PTPRF: variants seen among roughly 807,000 people sequenced by gnomAD.
PTPRF encodes the protein protein tyrosine phosphatase receptor type F.
PTPRF carries 59 observed loss-of-function variants against 201.8 expected under a neutral mutation model. The ratio of observed to expected loss-of-function variants is 0.29; its 90% CI spans 0.24 to 0.36. The LOEUF is 0.36. PTPRF is among the 10% of genes least tolerant of loss of function. The pLI, the probability that PTPRF is intolerant of heterozygous loss-of-function variation, is 1.00. For synonymous variants in PTPRF, 1,088 were observed against 1,089.7 expected, an observed-to-expected ratio of 1.00 and a Z score of 0.03; for missense variants, 2,132 against 2,690.5, an observed-to-expected ratio of 0.79 and a Z score of 4.59.
Position 43,603,585 on chromosome 1 carries a change from C to T in PTPRF, c.2459-26C>T, listed in dbSNP as rs774525174. On this transcript the variant is annotated intron_variant, in intron 15 of 33. Coordinates refer to ENST00000359947, the MANE Select transcript of PTPRF (RefSeq NM_002840.5). The surrounding 1 kb of genome is among the most constrained non-coding windows in gnomAD (Gnocchi z 5.8). ...AGGGTGGGGCAGCAGGAGGGCAGCG[C>T]CAGAGCCCAGCCCGTGGTCCTTCAG... is the stretch of plus-strand genomic sequence containing the variant. The T allele has an allele frequency of 6.2e-7, 1 of 1,612,590 alleles. No individual in the cohort carries two copies. Among genetic ancestry groups the T allele is most frequent in the South Asian group, 1.1e-5 (1 of 91,062 alleles).
Position 43,553,611 on chromosome 1 carries a change from A to G in PTPRF, c.211A>G (p.Lys71Glu), listed in dbSNP as rs760287504. The change falls in exon 4 of 34, where the codon AAG becomes GAG. Residue 71 changes from lysine to glutamate, a missense_variant. Physicochemically the swap from Lys to Glu is moderately conservative, Grantham distance 56. Coordinates refer to ENST00000359947, the MANE Select transcript of PTPRF (RefSeq NM_002840.5). The surrounding 1 kb of genome is among the most constrained non-coding windows in gnomAD (Gnocchi z 4.1). Reference sequence around the variant, plus strand: ...GCGCATCACATGGATGAAGAAGGGGAAGAAAGTCAGCTCCCAGCGCTTCGA... The same window carrying G: ...GCGCATCACATGGATGAAGAAGGGGGAGAAAGTCAGCTCCCAGCGCTTCGA... ...KPRITWMKKG[K>E]KVSSQRFEVI... is the part of the protein sequence containing the mutation. 1 of 1,614,004 alleles carries G rather than the reference A, an allele frequency of 6.2e-7. No homozygotes were observed. Among genetic ancestry groups the G allele is most frequent in the African/African-American group, 1.3e-5 (1 of 74,904 alleles).
intron 5 of PTPRF, among the ~76,000 whole-genome samples, chr1:43,563,242 G>A (rs61769611): frequency 0.27 from 40,964 of 151,702 alleles, 6,551 homozygotes; most frequent in Non-Finnish European, 0.36. Flanking sequence ...TAGGATTGGG[G>A]AGGTGCAAGG....
intron 6 of PTPRF, among the ~76,000 whole-genome samples, chr1:43,574,226 C>CCTCG (rs1646774614): frequency 6.6e-6 from 1 of 151,722 alleles, no homozygotes; most frequent in Non-Finnish European, 1.5e-5. Context: ...GAACTCCGAA[C>CCTCG]CTCGGGTGAT....
intron 13 of PTPRF, 36 bp downstream of exon 13, chr1:43,598,949 G>A (rs1570499707): frequency 6.3e-7 from 1 of 1,593,308 alleles, no homozygotes; most frequent in East Asian, 2.2e-5. Flanking sequence ...GGCAGGGTGA[G>A]CACAGACCAG....
intron 7 of PTPRF, among the ~76,000 whole-genome samples, chr1:43,586,302 C>T (rs1319988795): frequency 6.6e-6 from 1 of 152,228 alleles, no homozygotes; most frequent in Non-Finnish European, 1.5e-5. Context: ...CACCCCGCTT[C>T]TGTGGCAGGC....
At chr1:43,579,115 T>A in intron 7 of PTPRF, 195 bp downstream of exon 7, 1 of 712,894 alleles carries the variant, frequency 1.4e-6, no homozygotes, top group Non-Finnish European at 2.6e-6. Context: ...CTACTTCGCC[T>A]TCCTTCCTTG....
chr1:43,584,821 A>T (rs939991480), intron 7 of PTPRF, among the ~76,000 whole-genome samples: 1 of 151,950 alleles, frequency 6.6e-6, no homozygotes, highest in Non-Finnish European at 1.5e-5. Context: ...TCCCCTCCTT[A>T]ATGTTGTGTT....
intron 2 of PTPRF, among the ~76,000 whole-genome samples, chr1:43,539,608 T>G (rs752453552): frequency 1.3e-5 from 2 of 152,054 alleles, no homozygotes; most frequent in Admixed American, 1.3e-4. Context: ...AGATGGGCAC[T>G]GGGGTTATGT....
intron 5 of PTPRF, among the ~76,000 whole-genome samples, chr1:43,558,346 AACTGCTGTGGCTCCAGGGCCACTCCCACC>A (rs1361852959): frequency 6.6e-6 from 1 of 152,040 alleles, no homozygotes; most frequent in Non-Finnish European, 1.5e-5. Flanking sequence ...CACCAGGCCC[AACTGCTGTGGCTCCAGGGCCACTCCCACC>A]ACAGCCCGTG....
In PTPRF at chr1:43,530,998, G is replaced by T; in HGVS notation, c.-218G>T. On this transcript the variant is annotated 5_prime_UTR_variant, in exon 1 of 34. Coordinates refer to ENST00000359947, the MANE Select transcript of PTPRF (RefSeq NM_002840.5). The surrounding 1 kb of genome is among the most constrained non-coding windows in gnomAD (Gnocchi z 4.1). ...AGCTCGGGTGGCGGTGGCGGGAGCG[G>T]GACCAGGTGGAGGCGGCGGCGGCAG... 6.4e-6 allele frequency: 1 copy of T among 157,444 alleles called. No individual in the cohort carries two copies. The highest frequency in any genetic ancestry group is 1.4e-5 in the Non-Finnish European group (1 of 71,950). The allele number at this position is 157,444 out of a possible 1,614,324, so 9.8% of individuals were successfully genotyped here.
intron 7 of PTPRF, among the ~76,000 whole-genome samples, chr1:43,586,221 A>G (rs1355535931): frequency 6.6e-6 from 1 of 152,218 alleles, no homozygotes; most frequent in African/African-American, 2.4e-5. Flanking sequence ...GAAGAGGAGG[A>G]GACAGGGCAC....
chr1:43,526,406 G>A (rs1643111188), upstream of PTPRF, among the ~76,000 whole-genome samples: 4 of 151,974 alleles, frequency 2.6e-5, no homozygotes. Context: ...ATCAGCCTGG[G>A]CAACATGATG....
intron 7 of PTPRF, chr1:43,580,163 C>T (rs780787941): frequency 2.6e-5 from 4 of 151,990 alleles, no homozygotes; most frequent in African/African-American, 4.8e-5. Context: ...AAGTGCTTAG[C>T]GCGGCTTCCT....
rs554747109 is a variant in PTPRF, at chr1:43,588,233, A to G, written c.680-498A>G. ...GCCTGGAGGTGGAGGCAGTGACTCC[A>G]CGGCAGGTGGCTGTGTCCCTCTGGA... On this transcript the variant is annotated intron_variant, in intron 7 of 33. Transcript: ENST00000359947. This position sits in a 1 kb window ranked among gnomAD's most constrained non-coding sequence, Gnocchi z 5.3. Among the ~76,000 whole-genome samples the G allele has an allele frequency of 6.6e-5, 10 of 152,146 alleles. No individual in the cohort carries two copies. In the South Asian group the frequency reaches 1.9e-3, roughly 28 times the overall value.
chr1:43,607,191 G>A (rs1310356381), intron 21 of PTPRF, among the ~76,000 whole-genome samples: 2 of 152,200 alleles, frequency 1.3e-5, no homozygotes, highest in Non-Finnish European at 2.9e-5. Context: ...TGGGCGTGAG[G>A]AACTAAAGCC....
At chr1:43,606,685 A>G in intron 20 of PTPRF, 129 bp from the exon 21 acceptor site, 1 of 1,350,040 alleles carries the variant, frequency 7.4e-7, no homozygotes. Flanking sequence ...TGCCAGGTCC[A>G]CCTTGTAGGG....
intron 5 of PTPRF, among the ~76,000 whole-genome samples, chr1:43,557,132 C>A (rs1484132046): frequency 3.3e-5 from 5 of 152,184 alleles, no homozygotes; most frequent in Admixed American, 2.0e-4. Context: ...ACCAGAGGCC[C>A]CAGAGGGCTT....
intron 2 of PTPRF, among the ~76,000 whole-genome samples, chr1:43,541,611 T>TA (rs1015388045): frequency 6.6e-5 from 10 of 152,244 alleles, no homozygotes; most frequent in African/African-American, 2.4e-4. Context: ...AAAGGCATTA[T>TA]AAAAAAACAA....
Position 43,615,551 on chromosome 1 carries a change from C to CTTTTTTTTTTTTTTTTTTTTTTTTTTTT in PTPRF, c.4071+1839_4072-1864dup, listed in dbSNP as rs68193223. Among the ~76,000 whole-genome samples, 4 of 84,156 alleles carry CTTTTTTTTTTTTTTTTTTTTTTTTTTTT rather than the reference C, an allele frequency of 4.8e-5. 1 individual carries two copies. Among genetic ancestry groups the CTTTTTTTTTTTTTTTTTTTTTTTTTTTT allele is most frequent in the African/African-American group, 2.0e-4 (4 of 20,368 alleles). The allele number at this position is 84,156 out of a possible 152,430, so 55.2% of individuals were successfully genotyped here. A position where few individuals can be genotyped will look rare whatever the true frequency, so the allele number is the denominator to read the frequency against. On this transcript the variant is annotated intron_variant, in intron 23 of 33. Transcript: ENST00000359947. ...AGCCAGGACCCCATAGCTCTGTTGTCTTTTTTTTTTTTTTTTTTTTTTTTT... is the reference window on the plus strand; with the variant it reads ...AGCCAGGACCCCATAGCTCTGTTGTCTTTTTTTTTTTTTTTTTTTTTTTTTTTTTTTTTTTTTTTTTTTTTTTTTTTTT...
Sources: allele counts gnomAD v4.1 joint callset (sites outside exome capture counted in the v4.1 genomes callset), GRCh38; gene constraint gnomAD v4.1.1; non-coding constraint Gnocchi (gnomAD v3.1); transcripts MANE v1.5; gene names NCBI Gene and HGNC (gene_info 2026-07-23, HGNC 2026-07-21).